Variants in AGAP1 observed in about 807,000 individuals in gnomAD.
The protein encoded by AGAP1 is arf-GAP with GTPase, ANK repeat and PH domain-containing protein 1.
A neutral mutation model predicts 105.3 loss-of-function variants in AGAP1; 29 were observed. The observed-to-expected ratio is 0.28, with a 90% CI of 0.21 to 0.38. The LOEUF is 0.38. AGAP1 is among the 10% of genes least tolerant of loss of function. AGAP1 has a pLI of 1.00. For missense variants in AGAP1, 998 were observed against 1,165.1 expected, an observed-to-expected ratio of 0.86 and a Z score of 2.09; for synonymous variants, 509 against 485.9, an observed-to-expected ratio of 1.05 and a Z score of -0.63.
At chr2:235,796,306 T>A (rs73998919) in intron 6 of AGAP1, among the ~76,000 whole-genome samples, 6,092 of 152,352 alleles carry the variant, frequency 0.04, 416 homozygotes, top group African/African-American at 0.14. Flanking sequence ...TAGATTTTAT[T>A]TTTGAGTTCA....
In AGAP1 at chr2:235,750,595, G is replaced by C; in HGVS notation, c.673+107G>C. ...TGCATGTGGGTGGTGGAAATATGTC[G>C]TTGATGGGTGGGCATTAGTATCGAG... is the stretch of plus-strand genomic sequence containing the variant. On this transcript the variant is annotated intron_variant, in intron 6 of 17. Transcript: ENST00000304032. This position sits in a 1 kb window ranked among gnomAD's most constrained non-coding sequence, Gnocchi z 5.3. The C allele has an allele frequency of 6.6e-7, 1 of 1,516,674 alleles. No individual in the cohort carries two copies. The highest frequency in any genetic ancestry group is 9.1e-7 in the Non-Finnish European group (1 of 1,101,420). 94.0% of individuals were successfully genotyped at this position (1,516,674 alleles called of 1,614,324 possible). A position where few individuals can be genotyped will look rare whatever the true frequency, so the allele number is the denominator to read the frequency against.
chr2:235,960,676 A>G lies in AGAP1; in HGVS notation c.1484-7786A>G, dbSNP rs1429291567. ...TGGAAGGCATCAAGCAAGAAATTTG[A>G]TAGGCATTCTCTTCACTCTAGAAAT... On this transcript the variant is annotated intron_variant, in intron 12 of 17. Coordinates refer to ENST00000304032, the MANE Select transcript of AGAP1 (RefSeq NM_001037131.3). The surrounding 1 kb of genome is among the most constrained non-coding windows in gnomAD (Gnocchi z 4.9). Among the ~76,000 whole-genome samples, 4 of 152,182 alleles carry G rather than the reference A, an allele frequency of 2.6e-5. No individual in the cohort carries two copies. The highest frequency in any genetic ancestry group is 9.7e-5 in the African/African-American group (4 of 41,446).
chr2:235,834,154 C>T (rs781384430), intron 9 of AGAP1, among the ~76,000 whole-genome samples: 10 of 152,262 alleles, frequency 6.6e-5, no homozygotes, highest in Non-Finnish European at 1.3e-4. Context: ...AGCGTGATCA[C>T]CGTGGTCAGA....
chr2:235,557,882 A>G lies in AGAP1; in HGVS notation c.163+63033A>G, dbSNP rs1377861255. Among the ~76,000 whole-genome samples, 1 of 152,170 alleles carries G rather than the reference A, an allele frequency of 6.6e-6. No individual in the cohort carries two copies. Among genetic ancestry groups the G allele is most frequent in the African/African-American group, 2.4e-5 (1 of 41,448 alleles). On this transcript the variant is annotated intron_variant, in intron 1 of 17. Coordinates refer to ENST00000304032, the MANE Select transcript of AGAP1 (RefSeq NM_001037131.3). The surrounding 1 kb of genome is among the most constrained non-coding windows in gnomAD (Gnocchi z 4.7). The stretch of plus-strand genomic sequence containing the variant: ...TTGATGCTTAAATGACATTTGAGGA[A>G]CCTATTGGTGCTTTCTTGAGCCCTG...
In AGAP1 at chr2:235,784,098, G is replaced by C. The variant is rs116663458; in HGVS notation, c.674-13661G>C. On this transcript the variant is annotated intron_variant, in intron 6 of 17. Coordinates refer to ENST00000304032, the MANE Select transcript of AGAP1 (RefSeq NM_001037131.3). ...AGGTGTTCGCTTTCAAATTTTTTTT[G>C]TATGCTTAAAAAATGTGTTAATAAA... Among the ~76,000 whole-genome samples, 885 of 152,062 alleles carry C rather than the reference G, an allele frequency of 5.8e-3. 5 individuals are homozygous for C. The highest frequency in any genetic ancestry group is 0.02 in the African/African-American group (818 of 41,494).
intron 13 of AGAP1, among the ~76,000 whole-genome samples, chr2:236,026,856 C>T (rs370180083): frequency 8.5e-5 from 13 of 152,206 alleles, no homozygotes; most frequent in Non-Finnish European, 1.9e-4. Context: ...TAACGGAAAG[C>T]CACTAGGAGA....
rs971197858 is a variant in AGAP1 at position 235,865,093 on chromosome 2, G to A, written c.1051-18252G>A. On this transcript the variant is annotated intron_variant, in intron 9 of 17. Transcript: ENST00000304032. The surrounding 1 kb of genome is among the most constrained non-coding windows in gnomAD (Gnocchi z 6.2). ...GTCCATCATTATTAAAATGTGAAGTGTGTCGGTCACAAAGCATACATTTCG... is the reference window on the plus strand; with the variant it reads ...GTCCATCATTATTAAAATGTGAAGTATGTCGGTCACAAAGCATACATTTCG... Among the ~76,000 whole-genome samples the A allele has an allele frequency of 6.6e-6, 1 of 152,184 alleles. No homozygotes were observed. Among genetic ancestry groups the A allele is most frequent in the African/African-American group, 2.4e-5 (1 of 41,440 alleles).
intron 1 of AGAP1, among the ~76,000 whole-genome samples, chr2:235,587,700 A>G (rs1945165202): frequency 6.6e-6 from 1 of 151,740 alleles, no homozygotes; most frequent in African/African-American, 2.4e-5. Flanking sequence ...GGTTGCAGTG[A>G]GCTGAGATAG....
chr2:235,543,505 C>T (rs1485488705), intron 1 of AGAP1, among the ~76,000 whole-genome samples: 2 of 152,190 alleles, frequency 1.3e-5, no homozygotes, highest in Non-Finnish European at 1.5e-5. Context: ...TGGGGCTCGG[C>T]CTGGTCTACC....
chr2:236,013,077 A>C (rs1332390309), intron 13 of AGAP1, among the ~76,000 whole-genome samples: 1 of 152,188 alleles, frequency 6.6e-6, no homozygotes, highest in Non-Finnish European at 1.5e-5. Context: ...GAATTGTTAG[A>C]TGTGTTTAGT....
At chr2:236,025,384 T>A (rs1193179690) in intron 13 of AGAP1, among the ~76,000 whole-genome samples, 1 of 152,118 alleles carries the variant, frequency 6.6e-6, no homozygotes, top group Non-Finnish European at 1.5e-5. Flanking sequence ...TAAAATGTCA[T>A]CACCGTGTCA....
At chr2:236,103,766 A>G (rs1330751612) in intron 16 of AGAP1, among the ~76,000 whole-genome samples, 2 of 151,930 alleles carry the variant, frequency 1.3e-5, no homozygotes, top group Non-Finnish European at 2.9e-5. Context: ...TTGGGGTTTC[A>G]CCATGTTGGT....
chr2:235,980,579 T>C (rs2055049922), intron 13 of AGAP1, among the ~76,000 whole-genome samples: 1 of 152,202 alleles, frequency 6.6e-6, no homozygotes. Flanking sequence ...ATGTGGCCAC[T>C]GTGTTCAGGT....
intron 1 of AGAP1, among the ~76,000 whole-genome samples, chr2:235,686,614 GATAT>G (rs1380519556): frequency 0.023 from 884 of 37,814 alleles, 25 homozygotes; most frequent in African/African-American, 0.092. Flanking sequence ...TATACGTGGA[GATAT>G]AGATATATAT....
At position 236,119,967 on chromosome 2, in the gene AGAP1, G is replaced by A. The variant is rs912525044; in HGVS notation, c.2115-225G>A. The stretch of plus-strand genomic sequence containing the variant: ...GAGAGGTTTGGATTCAGGGGGTCTG[G>A]GGCGTGACCTGAGAATCTGCATTTC... On this transcript the variant is annotated intron_variant, in intron 16 of 17. Transcript: ENST00000304032. The surrounding 1 kb of genome is among the most constrained non-coding windows in gnomAD (Gnocchi z 6.6). Among the ~76,000 whole-genome samples the A allele has an allele frequency of 2.6e-5, 4 of 152,192 alleles. No individual in the cohort carries two copies. Among genetic ancestry groups the A allele is most frequent in the Non-Finnish European group, 4.4e-5 (3 of 68,034 alleles).
rs118181549 is a variant in AGAP1, at chr2:236,068,292, G to A, written c.2114+19011G>A. Among the ~76,000 whole-genome samples the A allele has an allele frequency of 2.2e-4, 34 of 151,722 alleles. No homozygotes were observed. The East Asian group carries it at 6.6e-3, about 30-fold the overall frequency. On this transcript the variant is annotated intron_variant, in intron 16 of 17. Transcript: ENST00000304032. Reference sequence around the variant, plus strand: ...TCTCAAAAAAACAAAAAATCAAATAGCTAGCGCAGATCACTGTGAAACATC... The same window carrying A: ...TCTCAAAAAAACAAAAAATCAAATAACTAGCGCAGATCACTGTGAAACATC...
intron 16 of AGAP1, among the ~76,000 whole-genome samples, chr2:236,100,484 A>C (rs1321630551): frequency 1.3e-5 from 2 of 152,136 alleles, no homozygotes; most frequent in East Asian, 1.9e-4. Context: ...AAAAACACCT[A>C]GTGGGTGTAT....
chr2:235,834,340 G>A (rs962309126), intron 9 of AGAP1, among the ~76,000 whole-genome samples: 2 of 152,134 alleles, frequency 1.3e-5, no homozygotes, highest in Admixed American at 6.5e-5. Flanking sequence ...AGAACATGGG[G>A]ACAAGATCAC....
intron 9 of AGAP1, among the ~76,000 whole-genome samples, chr2:235,851,063 C>A (rs12998378): frequency 6.6e-6 from 1 of 152,112 alleles, no homozygotes; most frequent in East Asian, 1.9e-4. Context: ...AGGACTCTCC[C>A]ACAGGAAGGG....
Sources: gnomAD v4.1 joint callset for allele counts (sites outside exome capture counted in the v4.1 genomes callset) on GRCh38, gnomAD v4.1.1 for gene constraint, Gnocchi (gnomAD v3.1) non-coding constraint, MANE v1.5 for transcripts, NCBI Gene and HGNC (gene_info 2026-07-23, HGNC 2026-07-21) for gene names.